Variants in NAV3 observed in about 807,000 individuals in gnomAD.
NAV3 encodes neuron navigator 3.
NAV3 carries 87 observed loss-of-function variants against 244.7 expected under a neutral mutation model. The ratio of observed to expected loss-of-function variants is 0.36; its 90% CI spans 0.30 to 0.42. The LOEUF is 0.42. NAV3 is among the 20% of genes least tolerant of loss of function. The pLI is 1.00. For synonymous variants in NAV3, 1,126 were observed against 1,042.2 expected (o/e 1.08, Z -1.55); for missense variants, 2,663 against 2,893.3 (o/e 0.92, Z 1.83).
intron 2 of NAV3, among the ~76,000 whole-genome samples, chr12:77,681,907 T>A (rs568593618): frequency 2.0e-5 from 3 of 152,340 alleles, no homozygotes; most frequent in African/African-American, 7.2e-5. Flanking sequence ...AAAATGATGT[T>A]TTGATATATT....
chr12:77,834,864 A>G (rs1874344441), intron 1 of NAV3, among the ~76,000 whole-genome samples: 1 of 104,552 alleles, frequency 9.6e-6, no homozygotes, highest in Non-Finnish European at 2.0e-5. Context: ...GTATATGTAG[A>G]GTTATTTTAG....
chr12:77,626,486 G>T (rs566888914), intron 2 of NAV3, among the ~76,000 whole-genome samples: 21 of 152,124 alleles, frequency 1.4e-4, no homozygotes, highest in Non-Finnish European at 2.8e-4. Flanking sequence ...ATCCAAAAAG[G>T]TCTTTATAGC....
chr12:78,170,692 A>G (rs1360456743), intron 24 of NAV3, among the ~76,000 whole-genome samples: 1 of 151,764 alleles, frequency 6.6e-6, no homozygotes, highest in African/African-American at 2.4e-5. Context: ...TGCATATTCC[A>G]TATTTCAGCT....
At chr12:78,046,186 T>C (rs1222224750) in intron 9 of NAV3, among the ~76,000 whole-genome samples, 1 of 152,180 alleles carries the variant, frequency 6.6e-6, no homozygotes, top group African/African-American at 2.4e-5. Flanking sequence ...AAACCAGCTA[T>C]GGATTTATTG....
At chr12:77,898,338 A>G (rs1884870975) in intron 1 of NAV3, among the ~76,000 whole-genome samples, 1 of 152,236 alleles carries the variant, frequency 6.6e-6, no homozygotes, top group South Asian at 2.1e-4. Context: ...AATGTAGTAT[A>G]TAATACATGA....
At chr12:77,681,362 C>T (rs10161149) in intron 2 of NAV3, among the ~76,000 whole-genome samples, 20,628 of 152,032 alleles carry the variant, frequency 0.14, 2,295 homozygotes, top group African/African-American at 0.31. Context: ...AGTAATTCTC[C>T]AATATTCCCA....
chr12:78,047,526 G>A (rs1882031738), intron 9 of NAV3, among the ~76,000 whole-genome samples: 1 of 152,032 alleles, frequency 6.6e-6, no homozygotes, highest in East Asian at 1.9e-4. Context: ...AATGAACGTT[G>A]AATATTGGCC....
chr12:78,160,455 G>T (rs1268955890), intron 23 of NAV3, among the ~76,000 whole-genome samples: 1 of 150,002 alleles, frequency 6.7e-6, no homozygotes, highest in Admixed American at 6.7e-5. Context: ...TAAATGATCA[G>T]GTGTCCAGAG....
At chr12:77,715,387 T>A (rs2137269401) in intron 2 of NAV3, among the ~76,000 whole-genome samples, 2 of 152,022 alleles carry the variant, frequency 1.3e-5, no homozygotes, top group East Asian at 3.9e-4. Flanking sequence ...ATCTCTCTTA[T>A]TTGCATTGCT....
intron 38 of NAV3, among the ~76,000 whole-genome samples, chr12:78,204,289 G>C (rs1960058595): frequency 6.6e-6 from 1 of 151,924 alleles, no homozygotes. Flanking sequence ...ACACCAACAT[G>C]GCACATGTAT....
intron 2 of NAV3, among the ~76,000 whole-genome samples, chr12:77,572,678 CTCTAATT>C (rs1868882848): frequency 6.6e-6 from 1 of 152,130 alleles, no homozygotes. Context: ...ATTTTAAATT[CTCTAATT>C]TCATATCCTT....
rs190738507 is a variant in NAV3 at position 77,868,777 on chromosome 12, A to T, written c.243+37073A>T. On this transcript the variant is annotated intron_variant, in intron 1 of 39. Coordinates refer to ENST00000397909, the MANE Select transcript of NAV3 (RefSeq NM_001024383.2). ...TCTCAAAAAAAAAAAAAAAAGAAAA[A>T]AAAACTTAGAGGCTGGGCATGGTGG... Among the ~76,000 whole-genome samples, 558 of 151,220 alleles carry T rather than the reference A, an allele frequency of 3.7e-3. 4 individuals carry two copies. Among genetic ancestry groups the T allele is most frequent in the African/African-American group, 0.013 (522 of 41,166 alleles).
chr12:77,685,657 G>A lies in NAV3; in HGVS notation c.72+113391G>A, dbSNP rs762724376. Reference sequence around the variant, plus strand: ...GAAGATTCTCATCTCCACCCAGCAAGCCTCAGAGAACTGTAAGAATGGCTG... The same window carrying A: ...GAAGATTCTCATCTCCACCCAGCAAACCTCAGAGAACTGTAAGAATGGCTG... On this transcript the variant is annotated intron_variant, in intron 2 of 8. Coordinates refer to the NAV3 transcript ENST00000550042. 3.3e-5 allele frequency among the ~76,000 whole-genome samples: 5 copies of A among 152,242 alleles called. No homozygotes were observed. The South Asian group carries it at 1.0e-3, about 32-fold the overall frequency.
At position 78,128,479 on chromosome 12, in the gene NAV3, G is replaced by A. The variant is rs551796107; in HGVS notation, c.4281-227G>A. ...GCTTATGATTTCCAACTGCATATCT[G>A]ATAGAAGCATAATTTTCTCCTCAAA... is the stretch of plus-strand genomic sequence containing the variant. On this transcript the variant is annotated intron_variant, in intron 17 of 39. Coordinates refer to ENST00000397909, the MANE Select transcript of NAV3 (RefSeq NM_001024383.2). Among the ~76,000 whole-genome samples the A allele has an allele frequency of 1.9e-4, 29 of 152,140 alleles. No individual in the cohort carries two copies. In the South Asian group the frequency reaches 6.0e-3, roughly 32 times the overall value.
Position 78,197,336 on chromosome 12 carries a change from T to A in NAV3, c.6381T>A (p.Asn2127Lys). Residue 2127 changes from asparagine (N) to lysine (K), a missense_variant, in exon 35 of 40, where the codon AAT becomes AAA. By Grantham distance (94) the Asn-to-Lys change is moderately conservative. Coordinates refer to ENST00000397909, the MANE Select transcript of NAV3 (RefSeq NM_001024383.2). The stretch of plus-strand genomic sequence containing the variant: ...TCCCAGTTGTAATAATTCTTGATAA[T>A]CTTCATCATGTGGGCTCTCTGAGTG... ...VELPVVIILD[N>K]LHHVGSLSDI... The A allele has an allele frequency of 6.2e-7, 1 of 1,609,540 alleles. No individual in the cohort carries two copies. The highest frequency in any genetic ancestry group is 8.5e-7 in the Non-Finnish European group (1 of 1,177,262).
intron 7 of NAV3, among the ~76,000 whole-genome samples, chr12:78,004,512 T>C (rs543723062): frequency 4.3e-4 from 65 of 152,224 alleles, no homozygotes; most frequent in Admixed American, 9.2e-4. Flanking sequence ...CATGCTGAGA[T>C]TCATTCATAG....
At chr12:77,905,798 C>A (rs543125040) in intron 1 of NAV3, among the ~76,000 whole-genome samples, 2 of 152,184 alleles carry the variant, frequency 1.3e-5, no homozygotes, top group African/African-American at 4.8e-5. Flanking sequence ...AATATGAGCA[C>A]AAAAATTACT....
chr12:77,643,079 T>A (rs914147588), intron 2 of NAV3, among the ~76,000 whole-genome samples: 26 of 151,956 alleles, frequency 1.7e-4, no homozygotes, highest in Non-Finnish European at 3.4e-4. Flanking sequence ...TAATCTGTAA[T>A]CTAGACAAAA....
chr12:78,183,253 T>C (rs1378731638), intron 30 of NAV3, among the ~76,000 whole-genome samples: 3 of 151,978 alleles, frequency 2.0e-5, no homozygotes, highest in African/African-American at 7.2e-5. Context: ...CAGGTGACCA[T>C]CCTGTCAATA....
Sources: gnomAD v4.1 joint callset for allele counts (sites outside exome capture counted in the v4.1 genomes callset) on GRCh38, gnomAD v4.1.1 for gene constraint, MANE v1.5 for transcripts, NCBI Gene and HGNC (gene_info 2026-07-23, HGNC 2026-07-21) for gene names.